Variants in TRMT11 observed in about 807,000 individuals in gnomAD.
TRMT11 encodes the protein tRNA methyltransferase 11.
Under a neutral mutation model 62.8 loss-of-function variants are expected in TRMT11, and 53 were observed. The ratio of observed to expected loss-of-function variants is 0.84; its 90% CI spans 0.68 to 1.06. The LOEUF is 1.06. TRMT11 is among the 50% of genes least tolerant of loss of function. TRMT11 has a pLI of 0.00. For synonymous variants in TRMT11, 188 were observed against 190.3 expected (o/e 0.99, Z 0.10); for missense variants, 556 against 553.4 (o/e 1.00, Z -0.05).
intron 11 of TRMT11, 123 bp from the exon 12 acceptor site, chr6:126,021,033 CAGTT>C (rs1795731642): frequency 1.9e-6 from 2 of 1,033,896 alleles, no homozygotes; most frequent in African/African-American, 3.2e-5. Context: ...ATCATGTGGA[CAGTT>C]AGCATATGTG....
chr6:126,020,999 A>G (rs1423449777), intron 11 of TRMT11, among the ~76,000 whole-genome samples, 161 bp from the exon 12 acceptor site: 2 of 152,246 alleles, frequency 1.3e-5, no homozygotes, highest in Non-Finnish European at 2.9e-5. Flanking sequence ...AAATTAAGCT[A>G]CTTTGCTTAT....
the TRMT11 span, among the ~76,000 whole-genome samples, chr6:126,270,279 G>T: frequency 5.2e-3 from 794 of 152,216 alleles, 9 homozygotes; most frequent in African/African-American, 0.018. Flanking sequence ...CGACAAAATT[G>T]AGTAAATGTA....
rs150065455 is a variant in TRMT11, at chr6:126,056,142, TTAACA to T, written c.*1437+2956_*1437+2960del. Among the ~76,000 whole-genome samples, 1,074 of 152,354 alleles carry T rather than the reference TTAACA, an allele frequency of 7.0e-3. 15 individuals carry two copies. Among genetic ancestry groups the T allele is most frequent in the African/African-American group, 0.024 (1,015 of 41,594 alleles). On this transcript the variant is annotated intron_variant and NMD_transcript_variant, in intron 17 of 22. Coordinates refer to the TRMT11 transcript ENST00000648977. The stretch of plus-strand genomic sequence containing the variant: ...TTCATCTTTGTCTTATTTCGCACTG[TTAACA>T]TAAGATAATAACCTTTCCTTAGCTA...
chr6:126,271,176 C>T, the TRMT11 span, among the ~76,000 whole-genome samples: 2 of 151,516 alleles, frequency 1.3e-5, no homozygotes, highest in Non-Finnish European at 2.9e-5. Flanking sequence ...CCAGACTGGC[C>T]AACATGGTGA....
chr6:126,043,702 C>G (rs1444398925), downstream of TRMT11, among the ~76,000 whole-genome samples: 1 of 151,814 alleles, frequency 6.6e-6, no homozygotes, highest in African/African-American at 2.4e-5. Flanking sequence ...TCTCCACATC[C>G]TCTCCAGCAC....
At chr6:126,175,145 G>A (rs1011030544), upstream of TRMT11, among the ~76,000 whole-genome samples, 2 of 152,140 alleles carry the variant, frequency 1.3e-5, no homozygotes, top group African/African-American at 2.4e-5. Context: ...CCACTCTACT[G>A]TTTCAAACCC....
At chr6:126,186,129 T>G (rs1778524873) in intron 1 of TRMT11, among the ~76,000 whole-genome samples, 1 of 152,206 alleles carries the variant, frequency 6.6e-6, no homozygotes, top group South Asian at 2.1e-4. Flanking sequence ...GATTTGGAGC[T>G]CTATAATTTT....
chr6:126,074,812 A>C (rs1429246536), intron 17 of TRMT11, among the ~76,000 whole-genome samples: 1 of 152,178 alleles, frequency 6.6e-6, no homozygotes, highest in Non-Finnish European at 1.5e-5. Context: ...AGGGAAAAAA[A>C]GGAAATAAAA....
chr6:126,045,502 CCT>C (rs1776026095), intron 16 of TRMT11, among the ~76,000 whole-genome samples: 1 of 152,124 alleles, frequency 6.6e-6, no homozygotes, highest in Admixed American at 6.5e-5. Context: ...GATACATGGT[CCT>C]CAACTTCATT....
At chr6:126,112,188 C>T (rs1777539764) in intron 17 of TRMT11, among the ~76,000 whole-genome samples, 1 of 152,108 alleles carries the variant, frequency 6.6e-6, no homozygotes, top group Non-Finnish European at 1.5e-5. Flanking sequence ...GGTTAGTGAA[C>T]TGGTGCCACC....
At chr6:126,117,849 C>T (rs1304708303) in intron 21 of TRMT11, among the ~76,000 whole-genome samples, 3 of 152,076 alleles carry the variant, frequency 2.0e-5, no homozygotes, top group African/African-American at 7.2e-5. Context: ...TTATTAACTG[C>T]GTGACCATAG....
chr6:126,255,685 G>A, the TRMT11 span, among the ~76,000 whole-genome samples: 1 of 152,108 alleles, frequency 6.6e-6, no homozygotes, highest in South Asian at 2.1e-4. Context: ...TGACCCTTGG[G>A]CTCCTGGACT....
intron 16 of TRMT11, among the ~76,000 whole-genome samples, chr6:126,045,444 T>G (rs943670641): frequency 6.6e-6 from 1 of 152,130 alleles, no homozygotes; most frequent in African/African-American, 2.4e-5. Context: ...AGGAAGTCCT[T>G]AGTAATTGTT....
the TRMT11 span, among the ~76,000 whole-genome samples, chr6:126,219,178 C>G: frequency 6.6e-6 from 1 of 152,110 alleles, no homozygotes; most frequent in African/African-American, 2.4e-5. Context: ...GATGGCTCCC[C>G]TGATTTTTGG....
intron 17 of TRMT11, among the ~76,000 whole-genome samples, chr6:126,053,560 A>G (rs1776277910): frequency 6.6e-6 from 1 of 152,072 alleles, no homozygotes; most frequent in African/African-American, 2.4e-5. Context: ...GATTATTCAA[A>G]CTAGCTAATC....
intron 17 of TRMT11, among the ~76,000 whole-genome samples, chr6:126,088,453 A>G (rs1156649390): frequency 6.6e-6 from 1 of 152,234 alleles, no homozygotes; most frequent in East Asian, 1.9e-4. Flanking sequence ...AAGGAGTTTT[A>G]AAAGATCCCA....
chr6:126,201,702 A>G (rs1236230166), intron 3 of TRMT11, among the ~76,000 whole-genome samples: 2 of 151,838 alleles, frequency 1.3e-5, no homozygotes, highest in African/African-American at 2.4e-5. Context: ...CTCTTCTCCT[A>G]TATTTTTTCC....
chr6:126,025,234 T>A (rs1583771349), intron 12 of TRMT11, among the ~76,000 whole-genome samples: 1 of 152,312 alleles, frequency 6.6e-6, no homozygotes, highest in East Asian at 1.9e-4. Flanking sequence ...AAGTCTGGTA[T>A]TTTTTCCCAG....
At chr6:126,265,423 T>C in the TRMT11 span, among the ~76,000 whole-genome samples, 15 of 152,294 alleles carry the variant, frequency 9.8e-5, no homozygotes, top group South Asian at 2.5e-3. Context: ...TAATTTTTAC[T>C]GTTAAAATAA....
Sources: gnomAD v4.1 joint callset for allele counts (sites outside exome capture counted in the v4.1 genomes callset) on GRCh38, gnomAD v4.1.1 for gene constraint, MANE v1.5 for transcripts, NCBI Gene and HGNC (gene_info 2026-07-23, HGNC 2026-07-21) for gene names.